CCND3: variants seen among roughly 807,000 people sequenced by gnomAD.
The protein encoded by CCND3 is cyclin D3, also known as G1/S-specific cyclin-D3.
CCND3 carries 9 observed loss-of-function variants against 28.7 expected under a neutral mutation model. That is an observed-to-expected ratio of 0.31 (90% CI 0.19 to 0.55). CCND3 has a LOEUF of 0.55. Ranked by LOEUF, CCND3 falls within the 20% of genes least tolerant of loss-of-function variation. The pLI is 0.93. For missense variants in CCND3, 315 were observed against 385.8 expected, an observed-to-expected ratio of 0.82 and a Z score of 1.54; for synonymous variants, 164 against 163.9, an observed-to-expected ratio of 1.00 and a Z score of 0.00.
At chr6:42,044,326 A>G (rs573229686) in intron 1 of CCND3, among the ~76,000 whole-genome samples, 4 of 152,304 alleles carry the variant, frequency 2.6e-5, no homozygotes, top group African/African-American at 9.6e-5. Context: ...TCAGCGCCTG[A>G]AGAACCCGGC....
Position 41,984,947 on chromosome 6 carries a change from T to G in CCND3, c.-45-44362A>C, listed in dbSNP as rs115354178. Among the ~76,000 whole-genome samples, 1,448 of 152,366 alleles carry G rather than the reference T, an allele frequency of 9.5e-3. 26 individuals carry two copies. Among genetic ancestry groups the G allele is most frequent in the African/African-American group, 0.031 (1,299 of 41,592 alleles). ...GTCTATTAAAGTCTTTTACTCATAT[T>G]GTTTTTCTCTTCCTCTCTCAACTGA... On this transcript the variant is annotated intron_variant, in intron 1 of 4. Coordinates refer to the CCND3 transcript ENST00000372988.
At chr6:41,959,488 T>G (rs144178642) in intron 1 of CCND3, among the ~76,000 whole-genome samples, 1,567 of 150,748 alleles carry the variant, frequency 0.01, 11 homozygotes, top group Non-Finnish European at 0.013. Context: ...ATTGAGACCA[T>G]CCTGGCCAAC....
At chr6:42,037,881 A>G (rs936471022) in intron 1 of CCND3, among the ~76,000 whole-genome samples, 3 of 152,010 alleles carry the variant, frequency 2.0e-5, no homozygotes, top group Non-Finnish European at 4.4e-5. Context: ...AAATACAAAA[A>G]TTAGCTGGGT....
intron 1 of CCND3, among the ~76,000 whole-genome samples, chr6:41,964,371 A>ACT (rs1761802838): frequency 8.0e-6 from 1 of 125,142 alleles, no homozygotes; most frequent in Non-Finnish European, 1.8e-5. Flanking sequence ...TGTATGTGTG[A>ACT]ATGTGTGTGA....
At chr6:42,040,748 A>G (rs1185355857) in intron 1 of CCND3, among the ~76,000 whole-genome samples, 2 of 150,964 alleles carry the variant, frequency 1.3e-5, no homozygotes, top group Admixed American at 6.6e-5. Flanking sequence ...GCTACTAGGG[A>G]GGCTGAGGCA....
intron 1 of CCND3, among the ~76,000 whole-genome samples, chr6:41,989,385 A>C (rs1394203152): frequency 7.2e-6 from 1 of 138,942 alleles, no homozygotes; most frequent in East Asian, 2.5e-4. Flanking sequence ...AACCTGGGAG[A>C]TGGAGGTTGC....
intron 1 of CCND3, among the ~76,000 whole-genome samples, chr6:41,996,216 C>T (rs1314088287): frequency 6.6e-6 from 1 of 150,636 alleles, no homozygotes; most frequent in Non-Finnish European, 1.5e-5. Flanking sequence ...CTGGCATGAT[C>T]TCGGCTCACT....
intron 1 of CCND3, among the ~76,000 whole-genome samples, chr6:41,959,645 G>A (rs1489145344): frequency 1.4e-5 from 2 of 143,822 alleles, no homozygotes; most frequent in African/African-American, 2.7e-5. Flanking sequence ...CCGAGATTGC[G>A]CCACTGCACT....
intron 1 of CCND3, among the ~76,000 whole-genome samples, chr6:41,951,411 G>A (rs987041924): frequency 5.2e-5 from 7 of 135,654 alleles, no homozygotes; most frequent in Admixed American, 1.5e-4. Flanking sequence ...AAAATTAGCC[G>A]GGCATGGTAG....
At chr6:42,004,506 G>A (rs954181522) in intron 1 of CCND3, among the ~76,000 whole-genome samples, 13 of 152,310 alleles carry the variant, frequency 8.5e-5, no homozygotes, top group Middle Eastern at 3.4e-3. Context: ...GCCCAGGCGG[G>A]TGGATTACGA....
chr6:41,944,478 C>A (rs1235323830), upstream of CCND3, among the ~76,000 whole-genome samples: 1 of 151,712 alleles, frequency 6.6e-6, no homozygotes, highest in Non-Finnish European at 1.5e-5. Context: ...CTCTTGTCAC[C>A]AGGCTGGAGT....
intron 1 of CCND3, among the ~76,000 whole-genome samples, chr6:42,029,149 ATT>A (rs199889723): frequency 0.1 from 14,625 of 145,080 alleles, 1,034 homozygotes; most frequent in East Asian, 0.33. Context: ...TTATTTTTTA[ATT>A]TTTTTTTTTT....
At position 42,000,234 on chromosome 6, in the gene CCND3, C is replaced by CTTTTTTTTTTTTTTTTTTTTTTTTT. The variant is rs70987562; in HGVS notation, c.-46+48242_-46+48266dup. Among the ~76,000 whole-genome samples the CTTTTTTTTTTTTTTTTTTTTTTTTT allele has an allele frequency of 2.7e-4, 14 of 51,032 alleles. 5 individuals are homozygous for CTTTTTTTTTTTTTTTTTTTTTTTTT. The highest frequency in any genetic ancestry group is 8.3e-4 in the African/African-American group (9 of 10,840). The allele number at this position is 51,032 out of a possible 152,430, so 33.5% of individuals were successfully genotyped here. On this transcript the variant is annotated intron_variant, in intron 1 of 4. Transcript: ENST00000372988. The stretch of plus-strand genomic sequence containing the variant: ...AGTCTCGTGGAAATTTGAAAACATA[C>CTTTTTTTTTTTTTTTTTTTTTTTTT]TTTTTTTTTTTTTTTTTTTTTTTTT...
rs60323142 is a variant in CCND3, at chr6:41,970,165, C to A, written c.-45-29580G>T. Among the ~76,000 whole-genome samples the A allele has an allele frequency of 4.3e-4, 65 of 151,946 alleles. 1 individual carries two copies. The highest frequency in any genetic ancestry group is 1.5e-3 in the African/African-American group (64 of 41,418). On this transcript the variant is annotated intron_variant, in intron 1 of 4. Coordinates refer to the CCND3 transcript ENST00000372988. ...ACCATCTTGGCCAACATGGTGAAAC[C>A]CCATCTCTACAAAAAATACAAAATT...
At chr6:41,994,577 A>G (rs1762740992) in intron 1 of CCND3, among the ~76,000 whole-genome samples, 1 of 152,196 alleles carries the variant, frequency 6.6e-6, no homozygotes, top group Admixed American at 6.6e-5. Context: ...AAACCAAAGA[A>G]TGGACACCAA....
chr6:41,995,053 C>A (rs1309761855), intron 1 of CCND3, among the ~76,000 whole-genome samples: 1 of 151,874 alleles, frequency 6.6e-6, no homozygotes, highest in Non-Finnish European at 1.5e-5. Context: ...GCCTGGGCGA[C>A]AGAGTGAGAC....
Position 41,935,725 on chromosome 6 carries a change from G to T in CCND3, c.*215C>A. 1 of 570,544 alleles carries T rather than the reference G, an allele frequency of 1.8e-6. No individual in the cohort carries two copies. The highest frequency in any genetic ancestry group is 2.2e-5 in the South Asian group (1 of 44,598). The allele number at this position is 570,544 out of a possible 1,614,324, so 35.3% of individuals were successfully genotyped here. A position where few individuals can be genotyped will look rare whatever the true frequency, so the allele number is the denominator to read the frequency against. ...AAAGGCGCTGCTGGTCAGATGCAGGGAGGAGGAGCTTGACTAGCCACCGAA... is the reference window on the plus strand; with the variant it reads ...AAAGGCGCTGCTGGTCAGATGCAGGTAGGAGGAGCTTGACTAGCCACCGAA... On this transcript the variant is annotated 3_prime_UTR_variant, in exon 5 of 5. Coordinates refer to ENST00000372991, the MANE Select transcript of CCND3 (RefSeq NM_001760.5).
intron 1 of CCND3, among the ~76,000 whole-genome samples, chr6:42,014,940 A>C (rs1360218916): frequency 2.0e-5 from 3 of 152,230 alleles, no homozygotes; most frequent in Non-Finnish European, 4.4e-5. Flanking sequence ...ACTCAGCCAT[A>C]CATATCTTCA....
intron 1 of CCND3, among the ~76,000 whole-genome samples, chr6:42,001,016 A>G (rs9471721): frequency 0.98 from 148,376 of 151,462 alleles, 72,746 homozygotes; most frequent in East Asian, 1. Context: ...CGGGCAGATC[A>G]CCTGGGGTCA....
Sources: allele counts gnomAD v4.1 joint callset (sites outside exome capture counted in the v4.1 genomes callset), GRCh38; gene constraint gnomAD v4.1.1; transcripts MANE v1.5; gene names NCBI Gene and HGNC (gene_info 2026-07-23, HGNC 2026-07-21).